Variants in LPAR1 observed in about 807,000 individuals in gnomAD.
The protein encoded by LPAR1 is LPA receptor 1.
Under a neutral mutation model 23.8 loss-of-function variants are expected in LPAR1, and 5 were observed. The ratio of observed to expected loss-of-function variants is 0.21; its 90% CI spans 0.11 to 0.44. The LOEUF (loss-of-function observed/expected upper bound fraction) is 0.44. LPAR1 is among the 20% of genes least tolerant of loss of function. The probability of loss-of-function intolerance (pLI) is 0.99; values close to 1 mark genes in which losing one functional copy is unlikely to be tolerated. For missense variants in LPAR1, 311 were observed against 482.8 expected, an observed-to-expected ratio of 0.64 and a Z score of 3.33; for synonymous variants, 160 against 164.7, an observed-to-expected ratio of 0.97 and a Z score of 0.22.
At chr9:111,034,431 G>A (rs561928554) in intron 2 of LPAR1, among the ~76,000 whole-genome samples, 21 of 152,282 alleles carry the variant, frequency 1.4e-4, no homozygotes, top group Admixed American at 9.8e-4. Context: ...TTCTTGGACA[G>A]CTCTGTGCCT....
At chr9:111,004,116 T>G (rs995399766) in intron 2 of LPAR1, among the ~76,000 whole-genome samples, 1 of 152,226 alleles carries the variant, frequency 6.6e-6, no homozygotes, top group Non-Finnish European at 1.5e-5. Context: ...CATAAACATT[T>G]GTGAAATGCA....
At chr9:110,967,006 A>G (rs986754223) in intron 4 of LPAR1, among the ~76,000 whole-genome samples, 3 of 152,160 alleles carry the variant, frequency 2.0e-5, no homozygotes, top group African/African-American at 4.8e-5. Context: ...CCCCATCCCC[A>G]TGCCCCCAAT....
rs1432025060 is a variant in LPAR1, at chr9:110,941,154, TTAGA to T, written c.793+263_793+266del. On this transcript the variant is annotated intron_variant, in intron 5 of 5. Transcript: ENST00000683809. This position sits in a 1 kb window ranked among gnomAD's most constrained non-coding sequence, Gnocchi z 6.1. Reference sequence around the variant, plus strand: ...ACTGGTAATTCTGGTATTTTCAATATTAGATAGCCAAACTCTTCAATGACATCTT... The same window carrying T: ...ACTGGTAATTCTGGTATTTTCAATATTAGCCAAACTCTTCAATGACATCTT... Among the ~76,000 whole-genome samples the T allele has an allele frequency of 6.6e-6, 1 of 152,200 alleles. No individual in the cohort carries two copies. The highest frequency in any genetic ancestry group is 2.4e-5 in the African/African-American group (1 of 41,448).
At chr9:110,908,929 T>C (rs1320356958) in intron 5 of LPAR1, among the ~76,000 whole-genome samples, 2 of 152,200 alleles carry the variant, frequency 1.3e-5, no homozygotes, top group Non-Finnish European at 2.9e-5. Context: ...GAAATTGACC[T>C]TTTTTGTCTT....
chr9:110,963,364 T>C (rs1453947907), intron 4 of LPAR1, among the ~76,000 whole-genome samples: 2 of 152,134 alleles, frequency 1.3e-5, no homozygotes, highest in African/African-American at 2.4e-5. Flanking sequence ...AGAAACATGG[T>C]TCAAGATGAA....
At chr9:110,901,829 T>C (rs1216049733) in intron 5 of LPAR1, among the ~76,000 whole-genome samples, 2 of 152,264 alleles carry the variant, frequency 1.3e-5, no homozygotes, top group East Asian at 3.9e-4. Context: ...AATAGAGAAC[T>C]TTCTACTGAA....
intron 5 of LPAR1, among the ~76,000 whole-genome samples, chr9:110,915,016 T>C (rs769231827): frequency 1.3e-4 from 20 of 152,150 alleles, no homozygotes; most frequent in Non-Finnish European, 2.8e-4. Context: ...GGCCCCTTTG[T>C]GCAAGCTGCA....
intron 5 of LPAR1, among the ~76,000 whole-genome samples, chr9:110,904,196 A>C (rs1228607951): frequency 2.0e-5 from 3 of 152,220 alleles, no homozygotes; most frequent in Non-Finnish European, 4.4e-5. Flanking sequence ...GGAAGATGGA[A>C]TCATGGAGCA....
chr9:111,031,485 C>A (rs2097794753), intron 2 of LPAR1, among the ~76,000 whole-genome samples: 1 of 151,324 alleles, frequency 6.6e-6, no homozygotes, highest in African/African-American at 2.4e-5. Flanking sequence ...GCGGCACACA[C>A]CTGCGGTCCC....
At chr9:110,943,826 C>T (rs924466929) in intron 4 of LPAR1, among the ~76,000 whole-genome samples, 1 of 147,546 alleles carries the variant, frequency 6.8e-6, no homozygotes, top group Non-Finnish European at 1.5e-5. Flanking sequence ...TGCCACTGCA[C>T]TCCAGCCTGA....
intron 5 of LPAR1, among the ~76,000 whole-genome samples, chr9:110,936,638 TA>T (rs1383259077): frequency 1.3e-5 from 2 of 151,824 alleles, no homozygotes; most frequent in Non-Finnish European, 2.9e-5. Flanking sequence ...ACATAAGGAG[TA>T]ATTTAGCTTC....
At chr9:110,970,303 C>T (rs1214002973) in intron 4 of LPAR1, among the ~76,000 whole-genome samples, 9 of 152,160 alleles carry the variant, frequency 5.9e-5, no homozygotes, top group African/African-American at 2.2e-4. Flanking sequence ...GGAACAGCTG[C>T]AGTGGACTTT....
intron 4 of LPAR1, among the ~76,000 whole-genome samples, chr9:110,947,187 T>C (rs1412000064): frequency 6.6e-6 from 1 of 152,142 alleles, no homozygotes; most frequent in African/African-American, 2.4e-5. Context: ...GCAAGAAATT[T>C]TGGGAAGAAC....
chr9:110,924,382 A>G (rs2093855059), intron 5 of LPAR1, among the ~76,000 whole-genome samples: 1 of 152,186 alleles, frequency 6.6e-6, no homozygotes, highest in Non-Finnish European at 1.5e-5. Context: ...AGAATCTATA[A>G]AGTGGTATGC....
chr9:110,947,915 A>G (rs1478041028), intron 4 of LPAR1, among the ~76,000 whole-genome samples: 1 of 23,324 alleles, frequency 4.3e-5, no homozygotes. Context: ...AACTAGTAAT[A>G]AGATATAAAT....
At chr9:111,022,809 G>A (rs762487139) in intron 2 of LPAR1, among the ~76,000 whole-genome samples, 3 of 151,974 alleles carry the variant, frequency 2.0e-5, no homozygotes, top group Non-Finnish European at 4.4e-5. Context: ...CCAGCACTTT[G>A]GGAGGCCAAG....
intron 2 of LPAR1, among the ~76,000 whole-genome samples, chr9:110,994,749 A>G (rs1438099075): frequency 6.6e-6 from 1 of 152,200 alleles, no homozygotes; most frequent in African/African-American, 2.4e-5. Flanking sequence ...TACTAACCAT[A>G]AGAATAGACA....
chr9:110,898,755 GC>G (rs2087460766), intron 5 of LPAR1, among the ~76,000 whole-genome samples: 2 of 152,150 alleles, frequency 1.3e-5, no homozygotes, highest in African/African-American at 4.8e-5. Flanking sequence ...GAAATCTCTG[GC>G]TAACTAAACT....
rs2096445583 is a variant in LPAR1, at chr9:110,972,172, TTTC to T, written c.-58_-56del. On this transcript the variant is annotated 5_prime_UTR_variant, in exon 4 of 6. Transcript: ENST00000683809. ...CGCCCCAGAACTACGGGAGACAAAT[TTTC>T]TTGTTTGCTGATCAGATCGAAGTCA... The T allele has an allele frequency of 1.4e-5, 22 of 1,545,058 alleles. No individual in the cohort carries two copies. The highest frequency in any genetic ancestry group is 3.3e-5 in the South Asian group (3 of 89,634).
Sources: gnomAD v4.1 joint callset for allele counts (sites outside exome capture counted in the v4.1 genomes callset) on GRCh38, gnomAD v4.1.1 for gene constraint, Gnocchi (gnomAD v3.1) non-coding constraint, MANE v1.5 for transcripts, NCBI Gene and HGNC (gene_info 2026-07-23, HGNC 2026-07-21) for gene names.